The following DSCAM variants were observed in gnomAD, a reference collection of about 807,000 sequenced individuals.
The protein encoded by DSCAM is cell adhesion molecule DSCAM.
DSCAM carries 47 observed loss-of-function variants against 217.7 expected under a neutral mutation model. The ratio of observed to expected loss-of-function variants is 0.22; its 90% CI spans 0.17 to 0.28. DSCAM has a LOEUF of 0.28. DSCAM is among the 10% of genes least tolerant of loss of function. The probability of loss-of-function intolerance (pLI) is 1.00; values close to 1 mark genes in which losing one functional copy is unlikely to be tolerated. For missense variants in DSCAM, 2,080 were observed against 2,618.3 expected, an observed-to-expected ratio of 0.79 and a Z score of 4.49; for synonymous variants, 1,056 against 1,015.3, an observed-to-expected ratio of 1.04 and a Z score of -0.76.
At chr21:40,459,389 T>C (rs2075788487) in intron 3 of DSCAM, among the ~76,000 whole-genome samples, 2 of 152,164 alleles carry the variant, frequency 1.3e-5, no homozygotes, top group East Asian at 1.9e-4. Flanking sequence ...AATATAACTG[T>C]ATAAATAAAA....
chr21:40,251,246 C>T lies in DSCAM; in HGVS notation c.2356+24851G>A, dbSNP rs535864418. ...CACATAGCAGAAGAATACTGAGTAACACAGAAAAAAATCAACACATATAGA... is the reference window on the plus strand; with the variant it reads ...CACATAGCAGAAGAATACTGAGTAATACAGAAAAAAATCAACACATATAGA... On this transcript the variant is annotated intron_variant, in intron 11 of 32. Transcript: ENST00000400454. Among the ~76,000 whole-genome samples, 13 of 152,108 alleles carry T rather than the reference C, an allele frequency of 8.5e-5. No individual in the cohort carries two copies. The East Asian group carries it at 2.5e-3, about 29-fold the overall frequency.
chr21:40,203,737 T>C (rs1571719), intron 11 of DSCAM, among the ~76,000 whole-genome samples: 86,283 of 152,042 alleles, frequency 0.57, 26,239 homozygotes, highest in African/African-American at 0.8. Flanking sequence ...TTTTTTCTAG[T>C]TAATATTTGT....
chr21:40,357,738 C>T (rs1699273610), intron 4 of DSCAM, among the ~76,000 whole-genome samples: 5 of 151,820 alleles, frequency 3.3e-5, no homozygotes, highest in Admixed American at 3.3e-4. Context: ...GGAGAGATAG[C>T]ATTAGGAGAT....
At chr21:40,207,676 C>T (rs1274451254) in intron 11 of DSCAM, among the ~76,000 whole-genome samples, 1 of 152,136 alleles carries the variant, frequency 6.6e-6, no homozygotes, top group Non-Finnish European at 1.5e-5. Flanking sequence ...TGTAAAGTCT[C>T]AGAAAGATAG....
chr21:40,432,777 T>C (rs950487055), intron 3 of DSCAM, among the ~76,000 whole-genome samples: 3 of 152,146 alleles, frequency 2.0e-5, no homozygotes, highest in African/African-American at 4.8e-5. Context: ...AAAGCAATTA[T>C]ATGGCTTAGG....
intron 1 of DSCAM, among the ~76,000 whole-genome samples, chr21:40,786,003 G>T (rs950911139): frequency 6.6e-6 from 1 of 152,146 alleles, no homozygotes; most frequent in Non-Finnish European, 1.5e-5. Context: ...TTGGGAGGCC[G>T]AGGTGGGCAG....
At chr21:40,812,706 G>A (rs1469436662) in intron 1 of DSCAM, among the ~76,000 whole-genome samples, 1 of 152,122 alleles carries the variant, frequency 6.6e-6, no homozygotes, top group Non-Finnish European at 1.5e-5. Context: ...GAAAGTTATG[G>A]GCACACATTT....
intron 1 of DSCAM, among the ~76,000 whole-genome samples, chr21:40,753,111 G>A (rs916528853): frequency 5.9e-5 from 9 of 152,152 alleles, no homozygotes; most frequent in Admixed American, 5.9e-4. Context: ...TTGGACACCA[G>A]CTTATCTGTG....
chr21:40,605,902 G>C (rs2089231121), intron 3 of DSCAM, among the ~76,000 whole-genome samples: 1 of 139,270 alleles, frequency 7.2e-6, no homozygotes, highest in Non-Finnish European at 1.5e-5. Flanking sequence ...CCAGGTTCAA[G>C]CTATTCTTCT....
At position 40,328,903 on chromosome 21, in the gene DSCAM, T is replaced by C. The variant is rs145863172; in HGVS notation, c.1783+9198A>G. Among the ~76,000 whole-genome samples, 8 of 152,232 alleles carry C rather than the reference T, an allele frequency of 5.3e-5. No homozygotes were observed. In the East Asian group the frequency reaches 1.4e-3, roughly 26 times the overall value. On this transcript the variant is annotated intron_variant, in intron 8 of 32. Coordinates refer to ENST00000400454, the MANE Select transcript of DSCAM (RefSeq NM_001389.5). Reference sequence around the variant, plus strand: ...AGAAGACATACATGGCTAACAGGTATATAAAAAATGCTCAACATCGCTAAT... The same window carrying C: ...AGAAGACATACATGGCTAACAGGTACATAAAAAATGCTCAACATCGCTAAT...
Position 40,846,742 on chromosome 21 carries a change from G to T in DSCAM, c.-81C>A, listed in dbSNP as rs907443697. On this transcript the variant is annotated 5_prime_UTR_variant, in exon 1 of 33. Coordinates refer to ENST00000400454, the MANE Select transcript of DSCAM (RefSeq NM_001389.5). ...TCCGCCCGGCCCGGCTCCGCTCGCC[G>T]CTCGGCACCTGCCCGGGGGCCGCCG... 6 of 645,576 alleles carry T rather than the reference G, an allele frequency of 9.3e-6. No homozygotes were observed. The highest frequency in any genetic ancestry group is 1.4e-4 in the East Asian group (1 of 7,238). 40.0% of individuals were successfully genotyped at this position (645,576 alleles called of 1,614,324 possible). A position where few individuals can be genotyped will look rare whatever the true frequency, so the allele number is the denominator to read the frequency against.
chr21:40,383,858 A>ACAGATGG (rs2075052779), intron 3 of DSCAM: 1 of 152,230 alleles, frequency 6.6e-6, no homozygotes, highest in Non-Finnish European at 1.5e-5. Context: ...AAACACTAGC[A>ACAGATGG]CAGATGGCAT....
chr21:40,230,373 G>A (rs1441157500), intron 11 of DSCAM, among the ~76,000 whole-genome samples: 1 of 152,120 alleles, frequency 6.6e-6, no homozygotes, highest in Non-Finnish European at 1.5e-5. Flanking sequence ...TATTTTAATA[G>A]AAATCGGACT....
At chr21:40,457,750 C>G (rs534990184) in intron 3 of DSCAM, among the ~76,000 whole-genome samples, 57 of 152,140 alleles carry the variant, frequency 3.7e-4, no homozygotes, top group African/African-American at 1.3e-3. Flanking sequence ...GCTACATATG[C>G]CTCCCTTTGG....
At position 40,374,434 on chromosome 21, in the gene DSCAM, G is replaced by A. The variant is rs572350931; in HGVS notation, c.509-5189C>T. On this transcript the variant is annotated intron_variant, in intron 3 of 32. Coordinates refer to ENST00000400454, the MANE Select transcript of DSCAM (RefSeq NM_001389.5). ...AAGAAAGCATCTGAGTGGTAATGAT[G>A]TAGATGAATTTTACATCATAATTCT... 1.4e-4 allele frequency among the ~76,000 whole-genome samples: 22 copies of A among 152,320 alleles called. No individual in the cohort carries two copies. In the South Asian group the frequency reaches 3.9e-3, roughly 27 times the overall value.
At chr21:40,754,029 T>C (rs2091252522) in intron 1 of DSCAM, among the ~76,000 whole-genome samples, 1 of 152,212 alleles carries the variant, frequency 6.6e-6, no homozygotes, top group Non-Finnish European at 1.5e-5. Flanking sequence ...GCAGTGAACC[T>C]ATGAACATGA....
intron 3 of DSCAM, among the ~76,000 whole-genome samples, chr21:40,522,718 T>A (rs1445347565): frequency 6.6e-6 from 1 of 152,226 alleles, no homozygotes; most frequent in Admixed American, 6.5e-5. Flanking sequence ...CAAATCTCTG[T>A]ATCTAAAGAG....
chr21:40,570,651 T>C (rs1601752974), intron 3 of DSCAM, among the ~76,000 whole-genome samples: 2 of 152,208 alleles, frequency 1.3e-5, no homozygotes, highest in Admixed American at 1.3e-4. Flanking sequence ...CTGACACGTG[T>C]GAACAGGTGA....
chr21:40,781,992 CAAAAAAAAAAAAA>C (rs57750960), intron 1 of DSCAM, among the ~76,000 whole-genome samples: 20 of 106,380 alleles, frequency 1.9e-4, no homozygotes, highest in South Asian at 1.8e-3. Context: ...ACTAAAAATA[CAAAAAAAAAAAAA>C]AAAAAGAAAA....
Sources: gnomAD v4.1 joint callset for allele counts (sites outside exome capture counted in the v4.1 genomes callset) on GRCh38, gnomAD v4.1.1 for gene constraint, MANE v1.5 for transcripts, NCBI Gene and HGNC (gene_info 2026-07-23, HGNC 2026-07-21) for gene names.